Variants in ZPLD1 observed in about 807,000 individuals in gnomAD.
ZPLD1 encodes the protein zona pellucida like domain containing 1.
In ZPLD1, 34 loss-of-function variants were observed where a neutral mutation model predicts 47.2. The ratio of observed to expected loss-of-function variants is 0.72; its 90% CI spans 0.55 to 0.96. The LOEUF (loss-of-function observed/expected upper bound fraction) is 0.96, where lower values mean the gene tolerates loss of function less well. Among genes scored for constraint, ZPLD1 ranks in the 40% least tolerant of loss-of-function variants. The pLI is 0.00. For missense variants in ZPLD1, 512 were observed against 505.8 expected (o/e 1.01, Z -0.12); for synonymous variants, 176 against 186.2 (o/e 0.95, Z 0.45).
intron 8 of ZPLD1, among the ~76,000 whole-genome samples, chr3:102,466,885 G>T (rs1199618041): frequency 6.6e-6 from 1 of 151,744 alleles, no homozygotes; most frequent in Non-Finnish European, 1.5e-5. Flanking sequence ...CCCCCCAAAA[G>T]CCAAAATAAT....
At position 102,477,542 on chromosome 3, in the gene ZPLD1, G is replaced by T. The variant is rs766419383; in HGVS notation, c.1172G>T (p.Cys391Phe). The T allele has an allele frequency of 2.5e-6, 4 of 1,613,652 alleles. No individual in the cohort carries two copies. The Admixed American group carries it at 6.7e-5, about 27-fold the overall frequency. ...LGVTSFSLLL[C>F]SLALLHRKGP... ...GTTACGAGCTTTTCTCTTCTTCTGT[G>T]CTCACTGGCCCTTCTGCACAGGAAG... Residue 391 changes from cysteine to phenylalanine, a missense_variant, in exon 12 of 12, where the codon TGC (cysteine) becomes TTC (phenylalanine). Cys to Phe is a radical substitution (Grantham distance 205, BLOSUM62 -2). Transcript: ENST00000466937.
chr3:102,409,777 C>T (rs182695366), intron 7 of ZPLD1, among the ~76,000 whole-genome samples: 2 of 151,714 alleles, frequency 1.3e-5, no homozygotes, highest in African/African-American at 2.4e-5. Context: ...TTTAGTAATG[C>T]CTTACCTTGA....
chr3:102,423,522 C>T (rs79407786), intron 8 of ZPLD1, among the ~76,000 whole-genome samples: 2 of 152,018 alleles, frequency 1.3e-5, no homozygotes, highest in African/African-American at 2.4e-5. Context: ...ATTAATCTTA[C>T]AATTTTATTT....
chr3:102,442,394 A>C (rs2107324307), intron 3 of ZPLD1, among the ~76,000 whole-genome samples: 1 of 152,074 alleles, frequency 6.6e-6, no homozygotes, highest in South Asian at 2.1e-4. Context: ...TATTTAAAAA[A>C]CACTAAATTT....
At chr3:102,416,971 A>G (rs1032920546) in intron 7 of ZPLD1, among the ~76,000 whole-genome samples, 5 of 151,876 alleles carry the variant, frequency 3.3e-5, no homozygotes, top group African/African-American at 1.2e-4. Context: ...TAGATTTAAA[A>G]TCACTTACCA....
At chr3:102,422,238 G>T (rs906376203) in intron 8 of ZPLD1, among the ~76,000 whole-genome samples, 2 of 151,976 alleles carry the variant, frequency 1.3e-5, no homozygotes, top group African/African-American at 4.8e-5. Flanking sequence ...ATGAAGCTTA[G>T]AGGTTTACTA....
At chr3:102,469,275 TAGTAA>T (rs1281288699) in intron 9 of ZPLD1, 140 bp downstream of exon 9, 3 of 923,452 alleles carry the variant, frequency 3.2e-6, no homozygotes, top group Non-Finnish European at 4.7e-6. Context: ...TTCATTTGTC[TAGTAA>T]AGATCTGCTA....
At chr3:102,442,637 G>T (rs972433085) in intron 3 of ZPLD1, among the ~76,000 whole-genome samples, 1 of 152,068 alleles carries the variant, frequency 6.6e-6, no homozygotes. Context: ...CAAGCTGCTC[G>T]GAGGCTAAGC....
At chr3:102,457,504 C>A (rs1576159418) in intron 5 of ZPLD1, among the ~76,000 whole-genome samples, 1 of 152,110 alleles carries the variant, frequency 6.6e-6, no homozygotes, top group African/African-American at 2.4e-5. Flanking sequence ...TAGATTCAAG[C>A]CCTTATCTGC....
At chr3:102,458,824 T>C (rs1298093997) in intron 6 of ZPLD1, among the ~76,000 whole-genome samples, 1 of 152,138 alleles carries the variant, frequency 6.6e-6, no homozygotes, top group Non-Finnish European at 1.5e-5. Context: ...GTGCTGTGGC[T>C]CACGCCTGTA....
chr3:102,458,849 G>A (rs1370443489), intron 6 of ZPLD1, among the ~76,000 whole-genome samples: 1 of 152,122 alleles, frequency 6.6e-6, no homozygotes, highest in Non-Finnish European at 1.5e-5. Flanking sequence ...CAGCACTTTG[G>A]GAGGCCGAGG....
Position 102,400,284 on chromosome 3 carries a change from C to T in ZPLD1, c.-157+8059C>T, listed in dbSNP as rs1268857255. On this transcript the variant is annotated intron_variant, in intron 7 of 17. Transcript: ENST00000491959. ...GTCTTGAATGATTTTCCTTGATGTG[C>T]ACTTTTCTCAGCAGGGTTTTATGTA... Among the ~76,000 whole-genome samples, 6 of 152,166 alleles carry T rather than the reference C, an allele frequency of 3.9e-5. No individual in the cohort carries two copies. The South Asian group carries it at 8.3e-4, about 21-fold the overall frequency.
intron 10 of ZPLD1, among the ~76,000 whole-genome samples, chr3:102,472,883 G>T (rs987791854): frequency 1.3e-5 from 2 of 152,126 alleles, no homozygotes; most frequent in Non-Finnish European, 2.9e-5. Context: ...TTCTCATGCT[G>T]CTAATAAAGA....
At chr3:102,449,348 G>T (rs1027949253) in intron 3 of ZPLD1, among the ~76,000 whole-genome samples, 22 of 152,340 alleles carry the variant, frequency 1.4e-4, no homozygotes, top group Admixed American at 1.2e-3. Context: ...TAATGTGTCT[G>T]TCTCCTCTAA....
At chr3:102,407,523 A>G (rs532299960) in intron 7 of ZPLD1, among the ~76,000 whole-genome samples, 121 of 148,006 alleles carry the variant, frequency 8.2e-4, no homozygotes, top group African/African-American at 2.8e-3. Flanking sequence ...TCTGCTTTAA[A>G]TTAAATCAGT....
At chr3:102,424,735 A>G (rs139754902) in intron 8 of ZPLD1, among the ~76,000 whole-genome samples, 16 of 152,268 alleles carry the variant, frequency 1.1e-4, no homozygotes, top group African/African-American at 3.8e-4. Context: ...AAACACATAT[A>G]CATTTTACGA....
At chr3:102,428,791 G>C (rs1264163736) in intron 8 of ZPLD1, among the ~76,000 whole-genome samples, 1 of 151,114 alleles carries the variant, frequency 6.6e-6, no homozygotes, top group Non-Finnish European at 1.5e-5. Context: ...TAGCATTTCA[G>C]TTTTACATAA....
Position 102,441,378 on chromosome 3 carries a change from T to C in ZPLD1, c.106+2785T>C, listed in dbSNP as rs193001307. On this transcript the variant is annotated intron_variant, in intron 3 of 11. Coordinates refer to ENST00000466937, the MANE Select transcript of ZPLD1 (RefSeq NM_001329788.2). Reference sequence around the variant, plus strand: ...TAGTTGTTAAAAGTGGGGACTCAACTTGTTTCACCTCAAATAAGTGATGTT... The same window carrying C: ...TAGTTGTTAAAAGTGGGGACTCAACCTGTTTCACCTCAAATAAGTGATGTT... Among the ~76,000 whole-genome samples, 184 of 152,296 alleles carry C rather than the reference T, an allele frequency of 1.2e-3. 1 individual carries two copies. The highest frequency in any genetic ancestry group is 4.1e-3 in the African/African-American group (172 of 41,560).
chr3:102,404,249 C>A (rs2107293948), intron 7 of ZPLD1, among the ~76,000 whole-genome samples: 1 of 151,970 alleles, frequency 6.6e-6, no homozygotes, highest in Non-Finnish European at 1.5e-5. Flanking sequence ...GTGTAAATAA[C>A]CTTATTAAGA....
Sources: gnomAD v4.1 joint callset for allele counts (sites outside exome capture counted in the v4.1 genomes callset) on GRCh38, gnomAD v4.1.1 for gene constraint, MANE v1.5 for transcripts, NCBI Gene and HGNC (gene_info 2026-07-23, HGNC 2026-07-21) for gene names.